Variants in PCDHA5 observed in about 807,000 individuals in gnomAD.
The protein encoded by PCDHA5 is protocadherin alpha-5.
PCDHA5 carries 43 observed loss-of-function variants against 61.6 expected under a neutral mutation model. The observed-to-expected ratio is 0.70, with a 90% CI of 0.55 to 0.90. The LOEUF (loss-of-function observed/expected upper bound fraction) is 0.90. PCDHA5 is among the 40% of genes least tolerant of loss of function. The pLI is 0.00. For synonymous variants in PCDHA5, 627 were observed against 543.9 expected (o/e 1.15, Z -2.13); for missense variants, 1,298 against 1,222.7 (o/e 1.06, Z -0.92).
At chr5:141,003,676 C>T (rs2098133802) in intron 3 of PCDHA5, among the ~76,000 whole-genome samples, 2 of 152,124 alleles carry the variant, frequency 1.3e-5, no homozygotes, top group East Asian at 1.9e-4. Context: ...ATATGTTGTT[C>T]TGATTTTAAA....
intron 1 of PCDHA5, among the ~76,000 whole-genome samples, chr5:140,925,792 T>C (rs918762181): frequency 6.6e-6 from 1 of 152,170 alleles, no homozygotes. Flanking sequence ...AGTATCTCAG[T>C]ACTTTCCCCT....
intron 1 of PCDHA5, among the ~76,000 whole-genome samples, chr5:140,973,059 A>G (rs2096570291): frequency 6.6e-6 from 1 of 152,062 alleles, no homozygotes; most frequent in African/African-American, 2.4e-5. Context: ...TTTGTCCAAC[A>G]GTGTCTCAGT....
At chr5:140,873,002 T>G (rs1454301001) in intron 1 of PCDHA5, among the ~76,000 whole-genome samples, 1 of 152,218 alleles carries the variant, frequency 6.6e-6, no homozygotes, top group East Asian at 1.9e-4. Flanking sequence ...TTCTGAGTCA[T>G]TCTTCATATT....
intron 1 of PCDHA5, chr5:140,883,466 A>T: frequency 6.2e-7 from 1 of 1,614,128 alleles, no homozygotes; most frequent in Non-Finnish European, 8.5e-7. Flanking sequence ...GCTGGTGTCC[A>T]CCTACAAGAA....
At chr5:140,986,951 T>C (rs1421822972) in intron 3 of PCDHA5, among the ~76,000 whole-genome samples, 1 of 152,128 alleles carries the variant, frequency 6.6e-6, no homozygotes, top group Non-Finnish European at 1.5e-5. Context: ...TGGTCGCTCA[T>C]GCCTGTAATT....
intron 1 of PCDHA5, among the ~76,000 whole-genome samples, chr5:140,890,852 C>G (rs2153432069): frequency 6.6e-6 from 1 of 152,254 alleles, no homozygotes; most frequent in South Asian, 2.1e-4. Flanking sequence ...TGTTTCTCTT[C>G]CTTACTTCTT....
At chr5:140,956,985 A>G (rs1554222760) in intron 1 of PCDHA5, among the ~76,000 whole-genome samples, 2 of 152,224 alleles carry the variant, frequency 1.3e-5, no homozygotes, top group African/African-American at 2.4e-5. Flanking sequence ...AGTAAAATAA[A>G]TTCAAGGAAG....
At chr5:140,944,188 T>A (rs184996) in intron 1 of PCDHA5, among the ~76,000 whole-genome samples, 85,693 of 151,800 alleles carry the variant, frequency 0.56, 24,784 homozygotes, top group African/African-American at 0.69. Context: ...GTTGGTTTGT[T>A]TTGTTTTGTT....
intron 1 of PCDHA5, among the ~76,000 whole-genome samples, chr5:140,949,544 T>C (rs981428881): frequency 5.3e-5 from 8 of 151,908 alleles, no homozygotes; most frequent in Non-Finnish European, 1.2e-4. Flanking sequence ...TATCGATTTG[T>C]TGCTGGTCAT....
At chr5:140,843,543 G>A (rs2150362370) in intron 1 of PCDHA5, 1 of 1,595,904 alleles carries the variant, frequency 6.3e-7, no homozygotes, top group Non-Finnish European at 8.6e-7. Context: ...ACTCTGGTGT[G>A]CTCCAGTGCG....
intron 1 of PCDHA5, among the ~76,000 whole-genome samples, chr5:140,893,379 ACAG>A (rs2063957000): frequency 6.6e-6 from 1 of 152,140 alleles, no homozygotes; most frequent in South Asian, 2.1e-4. Context: ...CATTTATGGG[ACAG>A]TGGCTCATGC....
rs782716439 is a variant in PCDHA5, at chr5:140,858,074, A to C, written c.2352+33947A>C. The stretch of plus-strand genomic sequence containing the variant: ...GCTTGTGGAGGGCAGCCAGGCACCC[A>C]AGGCCTCGTCGCGGGCTTCAGTGGG... On this transcript the variant is annotated intron_variant, in intron 1 of 3. Coordinates refer to ENST00000529859, the MANE Select transcript of PCDHA5 (RefSeq NM_018908.3). 3 of 1,597,526 alleles carry C rather than the reference A, an allele frequency of 1.9e-6. No homozygotes were observed. The African/African-American group carries it at 4.0e-5, about 21-fold the overall frequency.
chr5:140,823,668 C>T lies in PCDHA5; in HGVS notation c.1893C>T (p.Ser631=). 6.2e-7 allele frequency: 1 copy of T among 1,614,060 alleles called. No homozygotes were observed. The highest frequency in any genetic ancestry group is 1.1e-5 in the South Asian group (1 of 91,088). Residue 631 remains serine, a synonymous_variant, in exon 1 of 4, where the codon AGC becomes AGT. Transcript: ENST00000529859. ...TGGGGCTGTACACAGGCGAGATCAGCACAACACGCTCTCTGGATGAGACCG... is the reference window on the plus strand; with the variant it reads ...TGGGGCTGTACACAGGCGAGATCAGTACAACACGCTCTCTGGATGAGACCG... ...FRVGLYTGEI[S]TTRSLDETEA...
At position 141,009,692 on chromosome 5, in the gene PCDHA5, A is replaced by G. The variant is rs2098413739; in HGVS notation, c.2566A>G (p.Lys856Glu). The G allele has an allele frequency of 6.2e-7, 1 of 1,613,856 alleles. No homozygotes were observed. Among genetic ancestry groups the G allele is most frequent in the African/African-American group, 1.3e-5 (1 of 74,858 alleles). The stretch of plus-strand genomic sequence containing the variant: ...TGTCAACAGCAACAGCTGGACCTTT[A>G]AATACGGACCAGGCAACCCCAAACA... The part of the protein sequence containing the change: ...AGVNSNSWTF[K>E]YGPGNPKQSG... Residue 856 changes from lysine to glutamate, a missense_variant, in exon 4 of 4, where the codon AAA (lysine) becomes GAA (glutamate). Physicochemically the swap from Lys to Glu is moderately conservative, Grantham distance 56. Transcript: ENST00000529859.
chr5:140,870,825 C>G (rs1554164734), intron 1 of PCDHA5: 1 of 1,613,726 alleles, frequency 6.2e-7, no homozygotes. Flanking sequence ...GCGCGGGAGG[C>G]GCAGTTAACA....
rs193081186 is a variant in PCDHA5, at chr5:140,886,365, A to G, written c.2352+62238A>G. Among the ~76,000 whole-genome samples the G allele has an allele frequency of 3.1e-3, 466 of 152,304 alleles. 3 individuals carry two copies. Among genetic ancestry groups the G allele is most frequent in the Middle Eastern group, 0.014 (4 of 294 alleles). On this transcript the variant is annotated intron_variant, in intron 1 of 3. Transcript: ENST00000529859. Reference sequence around the variant, plus strand: ...GTGCAGGTTTGTTACATAGGTGTACATGCCATGGTGTGCTTATCTATTATC... The same window carrying G: ...GTGCAGGTTTGTTACATAGGTGTACGTGCCATGGTGTGCTTATCTATTATC...
At position 141,000,391 on chromosome 5, in the gene PCDHA5, CTCTCTATA is replaced by C. The variant is rs1374519322; in HGVS notation, c.2501-9234_2501-9227del. Reference sequence around the variant, plus strand: ...TCTCTCTCTCTCTCTCTCTCTCTCTCTCTCTATATATATATATATATATATATATATTT... The same window carrying C: ...TCTCTCTCTCTCTCTCTCTCTCTCTCTATATATATATATATATATATATTT... On this transcript the variant is annotated intron_variant, in intron 3 of 3. Transcript: ENST00000529859. Among the ~76,000 whole-genome samples the C allele has an allele frequency of 7.6e-3, 431 of 56,394 alleles. 1 individual carries two copies. The highest frequency in any genetic ancestry group is 0.013 in the African/African-American group (152 of 11,988). The allele number at this position is 56,394 out of a possible 152,430, so 37.0% of individuals were successfully genotyped here. A position where few individuals can be genotyped will look rare whatever the true frequency, so the allele number is the denominator to read the frequency against.
intron 1 of PCDHA5, among the ~76,000 whole-genome samples, chr5:140,889,562 T>C (rs2062274153): frequency 6.6e-6 from 1 of 152,224 alleles, no homozygotes; most frequent in Non-Finnish European, 1.5e-5. Flanking sequence ...TTCAGAATTC[T>C]GCTTTCTGAT....
intron 1 of PCDHA5, chr5:140,881,393 A>G: frequency 1.0e-6 from 1 of 979,646 alleles, no homozygotes; most frequent in Non-Finnish European, 1.2e-6. Context: ...GGTAAGTTAA[A>G]TTCTATTAAA....
Sources: allele counts gnomAD v4.1 joint callset (sites outside exome capture counted in the v4.1 genomes callset), GRCh38; gene constraint gnomAD v4.1.1; transcripts MANE v1.5; gene names NCBI Gene and HGNC (gene_info 2026-07-23, HGNC 2026-07-21).